The following PRKAA1 variants were observed in gnomAD, a reference collection of about 807,000 sequenced individuals.
The protein encoded by PRKAA1 is 5'-AMP-activated protein kinase catalytic subunit alpha-1.
Under a neutral mutation model 56.9 loss-of-function variants are expected in PRKAA1, and 23 were observed. The ratio of observed to expected loss-of-function variants is 0.40; its 90% CI spans 0.29 to 0.57. The LOEUF (loss-of-function observed/expected upper bound fraction) is 0.57, where lower values mean the gene tolerates loss of function less well. Among genes scored for constraint, PRKAA1 ranks in the 20% least tolerant of loss-of-function variants. The pLI is 0.39. For synonymous variants in PRKAA1, 226 were observed against 227.0 expected (o/e 1.00, Z 0.04); for missense variants, 413 against 679.7 (o/e 0.61, Z 4.36).
At chr5:40,788,319 A>T (rs943129841) in intron 1 of PRKAA1, among the ~76,000 whole-genome samples, 6 of 152,210 alleles carry the variant, frequency 3.9e-5, no homozygotes, top group African/African-American at 1.4e-4. Flanking sequence ...ATAGCCACAT[A>T]CAGAAGAATG....
Position 40,760,191 on chromosome 5 carries a change from G to A in PRKAA1, c.*2587C>T, listed in dbSNP as rs1743118095. The A allele has an allele frequency of 6.6e-6, 1 of 152,642 alleles. No individual in the cohort carries two copies. The allele number at this position is 152,642 out of a possible 1,614,324, so 9.5% of individuals were successfully genotyped here. ...ACAACAAAAAAATTGTGAAAATTCTGTTGCAACCTTGACACACTTAACCAA... is the reference window on the plus strand; with the variant it reads ...ACAACAAAAAAATTGTGAAAATTCTATTGCAACCTTGACACACTTAACCAA... On this transcript the variant is annotated 3_prime_UTR_variant, in exon 9 of 9. Transcript: ENST00000397128.
In PRKAA1 at chr5:40,784,269, T is replaced by C. The variant is rs189606965; in HGVS notation, c.128-6683A>G. ...GTGATACCTATCCATGTAGATGCAA[T>C]AGCATTCCTTTATCCAGGTACATAA... On this transcript the variant is annotated intron_variant, in intron 1 of 8. Coordinates refer to ENST00000397128, the MANE Select transcript of PRKAA1 (RefSeq NM_006251.6). Among the ~76,000 whole-genome samples the C allele has an allele frequency of 3.3e-3, 503 of 152,318 alleles. 3 individuals are homozygous for C. The highest frequency in any genetic ancestry group is 4.7e-3 in the Non-Finnish European group (320 of 68,016).
At chr5:40,773,142 G>C (rs1378357609) in intron 3 of PRKAA1, among the ~76,000 whole-genome samples, 1 of 152,094 alleles carries the variant, frequency 6.6e-6, no homozygotes, top group African/African-American at 2.4e-5. Context: ...ACCTTAAAGG[G>C]CATGGATAAT....
Position 40,760,635 on chromosome 5 carries a change from A to G in PRKAA1, c.*2143T>C, listed in dbSNP as rs1266570571. The G allele has an allele frequency of 1.3e-5, 2 of 152,742 alleles. No individual in the cohort carries two copies. The highest frequency in any genetic ancestry group is 2.9e-5 in the Non-Finnish European group (2 of 68,000). 9.5% of individuals were successfully genotyped at this position (152,742 alleles called of 1,614,324 possible). A position where few individuals can be genotyped will look rare whatever the true frequency, so the allele number is the denominator to read the frequency against. ...AAATGGAACTTCTATTACTTTGTAC[A>G]GCTTTCAAATTAGAAGTTGAATAGA... On this transcript the variant is annotated 3_prime_UTR_variant, in exon 9 of 9. Coordinates refer to ENST00000397128, the MANE Select transcript of PRKAA1 (RefSeq NM_006251.6).
intron 1 of PRKAA1, among the ~76,000 whole-genome samples, chr5:40,778,355 C>T (rs114404340): frequency 1.9e-3 from 291 of 152,286 alleles, no homozygotes; most frequent in African/African-American, 6.7e-3. Flanking sequence ...TTGCCAGATT[C>T]ATCCCAAATG....
chr5:40,793,087 GA>G lies in PRKAA1; in HGVS notation c.127+4975del, dbSNP rs1247035387. On this transcript the variant is annotated intron_variant, in intron 1 of 8. Transcript: ENST00000397128. ...CATCTCAAAAAAAAAAAAAGAAAAA[GA>G]AAAAAAAGAAATACTTGCCAACTTA... 1.7e-3 allele frequency among the ~76,000 whole-genome samples: 254 copies of G among 150,288 alleles called. 1 individual carries two copies. The highest frequency in any genetic ancestry group is 5.9e-3 in the African/African-American group (241 of 40,954).
Position 40,762,487 on chromosome 5 carries a change from C to A in PRKAA1, c.*291G>T. ...TTTATGTAAATTAATATTTCAAAGC[C>A]CTGTGTACACTAAATATAAAATAGC... On this transcript the variant is annotated 3_prime_UTR_variant, in exon 9 of 9. Coordinates refer to ENST00000397128, the MANE Select transcript of PRKAA1 (RefSeq NM_006251.6). The A allele has an allele frequency of 6.5e-6, 2 of 307,380 alleles. No individual in the cohort carries two copies. Among genetic ancestry groups the A allele is most frequent in the East Asian group, 6.9e-5 (1 of 14,434 alleles). 19.0% of individuals were successfully genotyped at this position (307,380 alleles called of 1,614,324 possible). A position where few individuals can be genotyped will look rare whatever the true frequency, so the allele number is the denominator to read the frequency against.
rs1006802399 is a variant in PRKAA1, at chr5:40,761,638, G to A, written c.*1140C>T. On this transcript the variant is annotated 3_prime_UTR_variant, in exon 9 of 9. Transcript: ENST00000397128. ...GGGAAGTCATATCAGAGCACTTAAAGTTTGTAAGAGATAGTTTTCTATGCA... is the reference window on the plus strand; with the variant it reads ...GGGAAGTCATATCAGAGCACTTAAAATTTGTAAGAGATAGTTTTCTATGCA... 1 of 152,134 alleles carries A rather than the reference G, an allele frequency of 6.6e-6. No individual in the cohort carries two copies. The highest frequency in any genetic ancestry group is 2.4e-5 in the African/African-American group (1 of 41,412). The allele number at this position is 152,134 out of a possible 1,614,324, so 9.4% of individuals were successfully genotyped here.
Position 40,762,508 on chromosome 5 carries a change from A to T in PRKAA1, c.*270T>A. 1 of 366,174 alleles carries T rather than the reference A, an allele frequency of 2.7e-6. No individual in the cohort carries two copies. Among genetic ancestry groups the T allele is most frequent in the Non-Finnish European group, 5.0e-6 (1 of 198,820 alleles). The allele number at this position is 366,174 out of a possible 1,614,324, so 22.7% of individuals were successfully genotyped here. A position where few individuals can be genotyped will look rare whatever the true frequency, so the allele number is the denominator to read the frequency against. On this transcript the variant is annotated 3_prime_UTR_variant, in exon 9 of 9. Coordinates refer to ENST00000397128, the MANE Select transcript of PRKAA1 (RefSeq NM_006251.6). The stretch of plus-strand genomic sequence containing the variant: ...AAGCCCTGTGTACACTAAATATAAA[A>T]TAGCCAAAAATCAAGTAAGCCTGAG...
At chr5:40,778,779 A>ATTTTTTTTTTTTTTTTTTTTT (rs70988808) in intron 1 of PRKAA1, among the ~76,000 whole-genome samples, 4 of 57,820 alleles carry the variant, frequency 6.9e-5, no homozygotes, top group Admixed American at 2.6e-4. Flanking sequence ...CTGTTTTTTA[A>ATTTTTTTTTTTTTTTTTTTTT]TTTTTTTTTT....
intron 3 of PRKAA1, chr5:40,774,902 G>A (rs756162295): frequency 2.6e-6 from 4 of 1,554,922 alleles, no homozygotes; most frequent in East Asian, 2.3e-5. Context: ...CCTTCCAGCT[G>A]TAAATTCTTT....
Position 40,764,924 on chromosome 5 carries a change from A to G in PRKAA1, c.1136T>C (p.Val379Ala). ...RPHPERVPFL[V>A]AETPRARHTL... ...ATGGCGTGCCCTTGGTGTTTCAGCA[A>G]CCAAGAATGGTACTCTTTCAGGATG... The change falls in exon 7 of 9, where the codon GTT becomes GCT. Residue 379 changes from valine (V) to alanine (A), a missense_variant. Coordinates refer to ENST00000397128, the MANE Select transcript of PRKAA1 (RefSeq NM_006251.6). 1 of 1,614,168 alleles carries G rather than the reference A, an allele frequency of 6.2e-7. No individual in the cohort carries two copies. Among genetic ancestry groups the G allele is most frequent in the Non-Finnish European group, 8.5e-7 (1 of 1,180,010 alleles).
At chr5:40,769,711 TGTTA>T (rs1190338019) in intron 4 of PRKAA1, among the ~76,000 whole-genome samples, 3 of 152,002 alleles carry the variant, frequency 2.0e-5, no homozygotes, top group Non-Finnish European at 4.4e-5. Flanking sequence ...GTTAGTGCAC[TGTTA>T]GAGTTTAATA....
At chr5:40,793,389 T>C (rs1216415959) in intron 1 of PRKAA1, among the ~76,000 whole-genome samples, 1 of 152,182 alleles carries the variant, frequency 6.6e-6, no homozygotes, top group African/African-American at 2.4e-5. Flanking sequence ...CTCAAAATGC[T>C]ACCACTAAGT....
At chr5:40,783,448 T>G (rs1388613771) in intron 1 of PRKAA1, among the ~76,000 whole-genome samples, 3 of 152,132 alleles carry the variant, frequency 2.0e-5, no homozygotes, top group Non-Finnish European at 4.4e-5. Context: ...CTGCTTTGTA[T>G]TCTTATCAGT....
rs141608884 is a variant in PRKAA1 at position 40,784,569 on chromosome 5, CT to C, written c.128-6984del. On this transcript the variant is annotated intron_variant, in intron 1 of 8. Transcript: ENST00000397128. ...AGAAGAACACAGAGGAAAAAAGCAG[CT>C]TAATTTGATGTGAGTTTTAATAAAC... 3.0e-3 allele frequency among the ~76,000 whole-genome samples: 450 copies of C among 152,234 alleles called. 3 individuals are homozygous for C. The highest frequency in any genetic ancestry group is 0.011 in the African/African-American group (437 of 41,536).
intron 2 of PRKAA1, chr5:40,776,948 G>A (rs965262822): frequency 1.3e-5 from 2 of 152,544 alleles, no homozygotes; most frequent in Admixed American, 6.5e-5. Flanking sequence ...TAAGCACAAG[G>A]GCAAAACATG....
chr5:40,786,283 G>A lies in PRKAA1; in HGVS notation c.128-8697C>T, dbSNP rs1396974866. ...AAAAAAAAAAAAAGCAGCAGCAGCT[G>A]GAAGAGGCAAGGAACAGATTCTCCA... On this transcript the variant is annotated intron_variant, in intron 1 of 8. Coordinates refer to ENST00000397128, the MANE Select transcript of PRKAA1 (RefSeq NM_006251.6). Among the ~76,000 whole-genome samples, 6 of 150,802 alleles carry A rather than the reference G, an allele frequency of 4.0e-5. No homozygotes were observed. In the East Asian group the frequency reaches 1.2e-3, roughly 30 times the overall value.
At chr5:40,771,484 AAAGCGAAACCCTGCCTCTAT>A (rs1176372506) in intron 4 of PRKAA1, among the ~76,000 whole-genome samples, 4 of 152,244 alleles carry the variant, frequency 2.6e-5, no homozygotes, top group Non-Finnish European at 4.4e-5. Context: ...CCTGGGCGAC[AAAGCGAAACCCTGCCTCTAT>A]AAAATAATAG....
Sources: gnomAD v4.1 joint callset for allele counts (sites outside exome capture counted in the v4.1 genomes callset) on GRCh38, gnomAD v4.1.1 for gene constraint, MANE v1.5 for transcripts, NCBI Gene and HGNC (gene_info 2026-07-23, HGNC 2026-07-21) for gene names.